The following HECTD2 variants were observed in gnomAD, a reference collection of about 807,000 sequenced individuals.
The protein encoded by HECTD2 is HECT domain E3 ubiquitin protein ligase 2.
In HECTD2, 35 loss-of-function variants were observed where a neutral mutation model predicts 103.2. The observed-to-expected ratio is 0.34, with a 90% CI of 0.26 to 0.45. HECTD2 has a LOEUF of 0.45. Ranked by LOEUF, HECTD2 falls within the 20% of genes least tolerant of loss-of-function variation. The probability of loss-of-function intolerance (pLI) is 1.00; values close to 1 mark genes in which losing one functional copy is unlikely to be tolerated. For missense variants in HECTD2, 596 were observed against 937.4 expected (o/e 0.64, Z 4.76); for synonymous variants, 281 against 329.9 (o/e 0.85, Z 1.61).
intron 20 of HECTD2, among the ~76,000 whole-genome samples, chr10:91,503,463 G>A (rs943314408): frequency 2.0e-4 from 30 of 152,312 alleles, no homozygotes; most frequent in African/African-American, 6.7e-4. Context: ...TGCCTCACTC[G>A]GGAAGCGCAA....
upstream of HECTD2, among the ~76,000 whole-genome samples, chr10:91,409,950 T>A (rs1252929544): frequency 6.6e-6 from 1 of 152,100 alleles, no homozygotes; most frequent in African/African-American, 2.4e-5. Flanking sequence ...CTGGTACCAC[T>A]CGGACACTCT....
intron 4 of HECTD2, 141 bp downstream of exon 4, chr10:91,461,497 A>G (rs1845347587): frequency 2.4e-6 from 1 of 409,752 alleles, no homozygotes; most frequent in Non-Finnish European, 4.3e-6. Context: ...TACAATACAT[A>G]CAATTATGTA....
chr10:91,454,075 A>G (rs1397671367), intron 2 of HECTD2, among the ~76,000 whole-genome samples: 2 of 152,094 alleles, frequency 1.3e-5, no homozygotes, highest in Non-Finnish European at 2.9e-5. Flanking sequence ...AAAAAAATCC[A>G]CAATTAGGTA....
chr10:91,489,935 C>A (rs1390205824), intron 11 of HECTD2: 1 of 151,686 alleles, frequency 6.6e-6, no homozygotes, highest in East Asian at 1.9e-4. Flanking sequence ...TTCATTGTTA[C>A]CAAAAAAAGA....
At chr10:91,416,682 C>G (rs1046735771) in intron 1 of HECTD2, among the ~76,000 whole-genome samples, 1 of 152,228 alleles carries the variant, frequency 6.6e-6, no homozygotes, top group Non-Finnish European at 1.5e-5. Flanking sequence ...AAAGCAACAT[C>G]TGTAGCTGAA....
intron 1 of HECTD2, among the ~76,000 whole-genome samples, chr10:91,424,402 C>T (rs1253917451): frequency 1.3e-5 from 2 of 152,016 alleles, no homozygotes; most frequent in African/African-American, 2.4e-5. Context: ...AGAAACTCTT[C>T]CTCTACTGTG....
intron 20 of HECTD2, among the ~76,000 whole-genome samples, chr10:91,504,380 A>C (rs1847052844): frequency 6.6e-6 from 1 of 150,758 alleles, no homozygotes; most frequent in South Asian, 2.1e-4. Context: ...AAACTTTGAA[A>C]AAAATTTAGA....
intron 2 of HECTD2, among the ~76,000 whole-genome samples, chr10:91,438,239 C>A (rs372291905): frequency 6.6e-6 from 1 of 152,138 alleles, no homozygotes; most frequent in South Asian, 2.1e-4. Flanking sequence ...CCTAGTCCCC[C>A]ACTCACTGAC....
chr10:91,508,038 A>G (rs1847264581), intron 20 of HECTD2, among the ~76,000 whole-genome samples: 1 of 126,244 alleles, frequency 7.9e-6, no homozygotes, highest in African/African-American at 4.4e-5. Flanking sequence ...TCCCTATTTA[A>G]TAAATGGTGC....
chr10:91,481,020 T>G (rs1846070116), intron 6 of HECTD2, 74 bp from the exon 7 acceptor site: 1 of 897,498 alleles, frequency 1.1e-6, no homozygotes, highest in Non-Finnish European at 1.7e-6. Context: ...ATAGAAAAGT[T>G]TATTGGTCTT....
intron 2 of HECTD2, among the ~76,000 whole-genome samples, chr10:91,458,900 G>C (rs950573249): frequency 2.2e-4 from 34 of 151,950 alleles, no homozygotes; most frequent in African/African-American, 7.7e-4. Context: ...AAATTTAAAA[G>C]TTTTGCTCTG....
chr10:91,453,989 T>G (rs1175129520), intron 2 of HECTD2, among the ~76,000 whole-genome samples: 1 of 152,050 alleles, frequency 6.6e-6, no homozygotes, highest in Non-Finnish European at 1.5e-5. Flanking sequence ...TATATAGTCA[T>G]CACAAGTGTG....
chr10:91,509,140 G>A (rs1451029014), intron 20 of HECTD2, among the ~76,000 whole-genome samples: 1 of 113,520 alleles, frequency 8.8e-6, no homozygotes, highest in Non-Finnish European at 1.7e-5. Context: ...GGGGGGAGGG[G>A]GGAGGGATAG....
intron 5 of HECTD2, chr10:91,463,220 T>C (rs1274184488): frequency 5.9e-5 from 9 of 152,244 alleles, no homozygotes; most frequent in African/African-American, 2.2e-4. Context: ...TTATGTTATA[T>C]GTATTCTATA....
At chr10:91,496,409 C>A (rs375926476) in intron 15 of HECTD2, 37 bp downstream of exon 15, 17 of 1,472,808 alleles carry the variant, frequency 1.2e-5, no homozygotes, top group Admixed American at 1.8e-5. Flanking sequence ...TCCTTTAATG[C>A]GAAATCATCT....
Position 91,410,428 on chromosome 10 carries a change from C to A in HECTD2, c.-11C>A. 1 of 1,388,510 alleles carries A rather than the reference C, an allele frequency of 7.2e-7. No individual in the cohort carries two copies. Among genetic ancestry groups the A allele is most frequent in the Non-Finnish European group, 9.3e-7 (1 of 1,073,900 alleles). The allele number at this position is 1,388,510 out of a possible 1,614,324, so 86.0% of individuals were successfully genotyped here. On this transcript the variant is annotated 5_prime_UTR_variant, in exon 1 of 21. Transcript: ENST00000298068. The stretch of plus-strand genomic sequence containing the variant: ...CCGCCGCCGCCTGGCGCTCCCGCCG[C>A]CCGGCCCGACATGAGTGAGGCGGTT...
At chr10:91,417,627 G>C (rs914982631) in intron 1 of HECTD2, among the ~76,000 whole-genome samples, 1 of 149,380 alleles carries the variant, frequency 6.7e-6, no homozygotes, top group African/African-American at 2.5e-5. Flanking sequence ...TTGGTTTTTT[G>C]TCCTTGTGAT....
At chr10:91,459,409 A>G (rs1845247260) in intron 2 of HECTD2, among the ~76,000 whole-genome samples, 1 of 152,088 alleles carries the variant, frequency 6.6e-6, no homozygotes. Flanking sequence ...TTTATTTACA[A>G]TAACCTAAAA....
chr10:91,429,535 G>A lies in HECTD2; in HGVS notation c.268+4125G>A, dbSNP rs935190293. On this transcript the variant is annotated intron_variant, in intron 2 of 20. Coordinates refer to ENST00000298068, the MANE Select transcript of HECTD2 (RefSeq NM_182765.6). ...GACTCTTTTTGGTTGGTAAGCTATT[G>A]ATTATTGCCACAATTTCAGATCCTG... 1.4e-4 allele frequency among the ~76,000 whole-genome samples: 21 copies of A among 152,172 alleles called. No homozygotes were observed. The East Asian group carries it at 1.5e-3, about 11-fold the overall frequency.
Sources: gnomAD v4.1 joint callset for allele counts (sites outside exome capture counted in the v4.1 genomes callset) on GRCh38, gnomAD v4.1.1 for gene constraint, MANE v1.5 for transcripts, NCBI Gene and HGNC (gene_info 2026-07-23, HGNC 2026-07-21) for gene names.